The following MARF1 variants were observed in gnomAD, a reference collection of about 807,000 sequenced individuals.
MARF1 encodes the protein meiosis regulator and mRNA stability factor 1, also known as limkain-b1.
Under a neutral mutation model 168.2 loss-of-function variants are expected in MARF1, and 24 were observed. The observed-to-expected ratio is 0.14, with a 90% CI of 0.10 to 0.20. MARF1 has a LOEUF of 0.20. Ranked by LOEUF, MARF1 falls within the 10% of genes least tolerant of loss-of-function variation. The pLI, the probability that MARF1 is intolerant of heterozygous loss-of-function variation, is 1.00. For synonymous variants in MARF1, 868 were observed against 822.4 expected (o/e 1.06, Z -0.95); for missense variants, 1,744 against 2,143.6 (o/e 0.81, Z 3.68).
intron 13 of MARF1, 31 bp from the exon 14 acceptor site, chr16:15,617,566 A>C: frequency 6.7e-7 from 1 of 1,490,062 alleles, no homozygotes; most frequent in Non-Finnish European, 9.2e-7. Flanking sequence ...ACGCTGACTT[A>C]GAAGGTTTTT....
At chr16:15,597,807 G>C (rs906993490) in intron 26 of MARF1, among the ~76,000 whole-genome samples, 19 of 152,188 alleles carry the variant, frequency 1.2e-4, no homozygotes, top group African/African-American at 4.6e-4. Context: ...CCCCACAAAC[G>C]AGCTAACATC....
intron 7 of MARF1, among the ~76,000 whole-genome samples, chr16:15,627,515 G>T (rs1358293352): frequency 2.0e-5 from 3 of 152,194 alleles, no homozygotes; most frequent in Non-Finnish European, 4.4e-5. Context: ...CTACTCGGGA[G>T]GCTGAGGAAG....
In MARF1 at chr16:15,631,430, G is replaced by T. The variant is rs573637978; in HGVS notation, c.1302C>A (p.Arg434=). 3.1e-6 allele frequency: 5 copies of T among 1,613,348 alleles called. No homozygotes were observed. The African/African-American group carries it at 6.7e-5, about 22-fold the overall frequency. Residue 434 remains arginine (R), a synonymous_variant, in exon 6 of 27, where the codon CGC becomes CGA. Transcript: ENST00000396368. ...GAGCAGTGTGTGTATTTGCAAATCT[G>T]CGGAGACTCTGCCGCAGTTTATCAT... ...AADDKLRQSL[R]RFANTHTAPA...
In MARF1 at chr16:15,609,289, T is replaced by C. The variant is rs183859587; in HGVS notation, c.3954+234A>G. Among the ~76,000 whole-genome samples, 4 of 152,282 alleles carry C rather than the reference T, an allele frequency of 2.6e-5. No homozygotes were observed. The East Asian group carries it at 7.7e-4, about 29-fold the overall frequency. On this transcript the variant is annotated intron_variant, in intron 20 of 26. Transcript: ENST00000396368. Reference sequence around the variant, plus strand: ...AAAAAGAAAACCTACTGAATCTTTTTTTCAATAATTACCCCCAAAACAAGT... The same window carrying C: ...AAAAAGAAAACCTACTGAATCTTTTCTTCAATAATTACCCCCAAAACAAGT...
intron 22 of MARF1, chr16:15,602,481 A>G: frequency 1.7e-6 from 1 of 586,180 alleles, no homozygotes. Flanking sequence ...GACAAAGAAC[A>G]AGAAGACGAA....
At chr16:15,606,550 C>T (rs945412102) in intron 21 of MARF1, among the ~76,000 whole-genome samples, 4 of 152,156 alleles carry the variant, frequency 2.6e-5, no homozygotes, top group Non-Finnish European at 5.9e-5. Context: ...TCCTCTCTCT[C>T]TCTAAGCAGA....
intron 5 of MARF1, 33 bp downstream of exon 5, chr16:15,633,584 G>A (rs2035392934): frequency 7.1e-7 from 1 of 1,411,078 alleles, no homozygotes; most frequent in South Asian, 1.2e-5. Flanking sequence ...TTCCTCTACT[G>A]TAGATTAAAA....
At chr16:15,602,663 T>C (rs1567531688) in intron 22 of MARF1, 1 of 121,624 alleles carries the variant, frequency 8.2e-6, no homozygotes, top group Non-Finnish European at 1.6e-5. Flanking sequence ...AGGAGGGATA[T>C]ATTCAAGGAT....
At position 15,602,112 on chromosome 16, in the gene MARF1, T is replaced by C; in HGVS notation, c.4505A>G (p.His1502Arg). 6.2e-7 allele frequency: 1 copy of C among 1,614,166 alleles called. No homozygotes were observed. The highest frequency in any genetic ancestry group is 8.5e-7 in the Non-Finnish European group (1 of 1,179,994). ...KNVRSLLHTYHYQQIFLHEFS... is the reference protein window; with the variant it reads ...KNVRSLLHTYRYQQIFLHEFS... ...CTCATGAAGGAAAATCTGCTGGTAG[T>C]GGTAAGTATGAAGTAAAGACCGCAC... is the stretch of plus-strand genomic sequence containing the variant. Residue 1502 changes from histidine to arginine, a missense_variant, in exon 23 of 27, where the codon CAC (histidine) becomes CGC (arginine). His to Arg is a conservative substitution (Grantham distance 29, BLOSUM62 0). Around this residue, in one of 7 missense-constraint regions of MARF1, gnomAD observed 313 missense variants for 337.4 expected, o/e 0.93. Coordinates refer to ENST00000396368, the MANE Select transcript of MARF1 (RefSeq NM_014647.4).
intron 7 of MARF1, among the ~76,000 whole-genome samples, chr16:15,629,558 GTTATTAAATTATA>G (rs1209105523): frequency 2.6e-5 from 4 of 152,148 alleles, no homozygotes; most frequent in Non-Finnish European, 5.9e-5. Context: ...GTAACTCTCA[GTTATTAAATTATA>G]TGTGAAGACT....
intron 16 of MARF1, among the ~76,000 whole-genome samples, 200 bp downstream of exon 16, chr16:15,615,630 A>G (rs898703054): frequency 6.6e-6 from 1 of 152,214 alleles, no homozygotes; most frequent in African/African-American, 2.4e-5. Flanking sequence ...TCTCAAAAAA[A>G]ATAAATAAAT....
At chr16:15,642,442 AAG>A (rs1660297055) in intron 1 of MARF1, 1 of 152,226 alleles carries the variant, frequency 6.6e-6, no homozygotes, top group Non-Finnish European at 1.5e-5. Flanking sequence ...CGATATGCAA[AAG>A]AGAAGAATAT....
At chr16:15,608,564 G>T in intron 20 of MARF1, 46 bp from the exon 21 acceptor site, 1 of 1,431,060 alleles carries the variant, frequency 7.0e-7, no homozygotes, top group Non-Finnish European at 9.8e-7. Flanking sequence ...AACAAATCAC[G>T]GGTGTTTACA....
chr16:15,629,057 CAG>C (rs1465986974), intron 7 of MARF1, among the ~76,000 whole-genome samples: 2 of 138,658 alleles, frequency 1.4e-5, no homozygotes, highest in African/African-American at 5.4e-5. Flanking sequence ...TTTTTTGAAA[CAG>C]AGTCTCGCTC....
rs1412148884 is a variant in MARF1, at chr16:15,594,576, A to G, written c.*2117T>C. The G allele has an allele frequency of 6.6e-6, 1 of 152,636 alleles. No individual in the cohort carries two copies. 9.5% of individuals were successfully genotyped at this position (152,636 alleles called of 1,614,324 possible). A position where few individuals can be genotyped will look rare whatever the true frequency, so the allele number is the denominator to read the frequency against. On this transcript the variant is annotated 3_prime_UTR_variant, in exon 27 of 27. Coordinates refer to ENST00000396368, the MANE Select transcript of MARF1 (RefSeq NM_014647.4). The stretch of plus-strand genomic sequence containing the variant: ...TGGTGATAACTTTTGTCATTTTTTT[A>G]AACAGATAAATTTAATCCGGTATAT...
intron 22 of MARF1, 160 bp from the exon 23 acceptor site, chr16:15,602,363 C>A: frequency 1.6e-6 from 1 of 628,074 alleles, no homozygotes; most frequent in Non-Finnish European, 2.8e-6. Flanking sequence ...AAGAAGGAGA[C>A]AAAGATGACG....
intron 2 of MARF1, 33 bp from the exon 3 acceptor site, chr16:15,636,375 T>C (rs776294315): frequency 5.3e-6 from 8 of 1,502,192 alleles, no homozygotes; most frequent in Non-Finnish European, 7.1e-6. Context: ...TAAATTAATT[T>C]TATGAGGTCC....
chr16:15,620,403 G>C lies in MARF1; in HGVS notation c.2720+48C>G, dbSNP rs548196489. 4.2e-5 allele frequency: 48 copies of C among 1,147,952 alleles called. No individual in the cohort carries two copies. In the South Asian group the frequency reaches 6.1e-4, roughly 14 times the overall value. The allele number at this position is 1,147,952 out of a possible 1,614,324, so 71.1% of individuals were successfully genotyped here. On this transcript the variant is annotated intron_variant, in intron 13 of 26. Transcript: ENST00000396368. ...CATTACCATGGTTTTGTGCATGTAA[G>C]CCACCAATCAGTACTGACTGGATAA...
At chr16:15,633,376 G>A (rs913542518) in intron 5 of MARF1, among the ~76,000 whole-genome samples, 1 of 151,848 alleles carries the variant, frequency 6.6e-6, no homozygotes, top group Non-Finnish European at 1.5e-5. Flanking sequence ...GGGAGACCTC[G>A]TCTCTACAAA....
Sources: allele counts gnomAD v4.1 joint callset (sites outside exome capture counted in the v4.1 genomes callset), GRCh38; gene constraint gnomAD v4.1.1; regional missense constraint gnomAD v4.1.1; transcripts MANE v1.5; gene names NCBI Gene and HGNC (gene_info 2026-07-23, HGNC 2026-07-21).